Variants in ACADM observed in about 807,000 individuals in gnomAD.
ACADM encodes the protein acyl-CoA dehydrogenase medium chain.
In ACADM, 49 loss-of-function variants were observed where a neutral mutation model predicts 58.9. The ratio of observed to expected loss-of-function variants is 0.83; its 90% CI spans 0.66 to 1.06. The LOEUF is 1.06. ACADM is among the 50% of genes least tolerant of loss of function. The pLI, the probability that ACADM is intolerant of heterozygous loss-of-function variation, is 0.00. For synonymous variants in ACADM, 160 were observed against 157.7 expected, an observed-to-expected ratio of 1.01 and a Z score of -0.11; for missense variants, 496 against 507.0, an observed-to-expected ratio of 0.98 and a Z score of 0.21.
At chr1:75,751,995 C>CTA (rs199793590) in intron 10 of ACADM, among the ~76,000 whole-genome samples, 1 of 140,276 alleles carries the variant, frequency 7.1e-6, no homozygotes, top group African/African-American at 2.7e-5. Context: ...TCCTATTTCT[C>CTA]TTTTTTTTTT....
chr1:75,731,987 A>G (rs1187531909), intron 2 of ACADM, among the ~76,000 whole-genome samples: 1 of 152,182 alleles, frequency 6.6e-6, no homozygotes, highest in Non-Finnish European at 1.5e-5. Context: ...CCCTGTATCT[A>G]CAAAAATTAC....
Position 75,762,936 on chromosome 1 carries a change from A to G in ACADM, c.*173A>G. 2 of 511,980 alleles carry G rather than the reference A, an allele frequency of 3.9e-6. No individual in the cohort carries two copies. Among genetic ancestry groups the G allele is most frequent in the Non-Finnish European group, 7.0e-6 (2 of 283,824 alleles). The allele number at this position is 511,980 out of a possible 1,614,324, so 31.7% of individuals were successfully genotyped here. On this transcript the variant is annotated 3_prime_UTR_variant, in exon 12 of 12. Transcript: ENST00000370841. ...TTGCTTAACTCTGTTATGTCTCTTA[A>G]GCAGGTTTGGTTTTTATTAAAATGA...
chr1:75,738,500 A>G (rs7550974), intron 6 of ACADM, among the ~76,000 whole-genome samples: 45,601 of 151,938 alleles, frequency 0.3, 7,026 homozygotes, highest in Non-Finnish European at 0.33. Flanking sequence ...GGGATTACAA[A>G]CCTGAAGCCT....
At chr1:75,732,074 G>T (rs976747284) in intron 2 of ACADM, among the ~76,000 whole-genome samples, 2 of 151,918 alleles carry the variant, frequency 1.3e-5, no homozygotes, top group Non-Finnish European at 1.5e-5. Context: ...ATCATTTAAG[G>T]CCAGGAGGTC....
chr1:75,734,106 C>T (rs1647196417), intron 5 of ACADM, among the ~76,000 whole-genome samples: 1 of 151,982 alleles, frequency 6.6e-6, no homozygotes, highest in African/African-American at 2.4e-5. Flanking sequence ...CTGCCTCAGC[C>T]TCCTGAGTAG....
At chr1:75,761,401 A>T (rs751884884) in intron 11 of ACADM, 31 bp downstream of exon 11, 1 of 1,609,286 alleles carries the variant, frequency 6.2e-7, no homozygotes, top group Non-Finnish European at 8.5e-7. Context: ...TTTGGTTTGC[A>T]AGGAGAGAGA....
intron 6 of ACADM, among the ~76,000 whole-genome samples, chr1:75,738,896 C>T (rs567578041): frequency 1.3e-5 from 2 of 152,250 alleles, no homozygotes; most frequent in East Asian, 3.9e-4. Context: ...TCTTGTCACT[C>T]CTCTGTTTAA....
At chr1:75,756,188 C>T (rs993182890) in intron 10 of ACADM, among the ~76,000 whole-genome samples, 3 of 152,148 alleles carry the variant, frequency 2.0e-5, no homozygotes, top group Non-Finnish European at 2.9e-5. Flanking sequence ...CACTCCTCTT[C>T]AACATAGTGT....
chr1:75,759,656 C>CTTTTTTTTTTTTTTTTTTTT (rs34394777), intron 10 of ACADM, among the ~76,000 whole-genome samples: 1 of 87,582 alleles, frequency 1.1e-5, no homozygotes, highest in Non-Finnish European at 2.2e-5. Context: ...TAGCAACTTT[C>CTTTTTTTTTTTTTTTTTTTT]TTTTTTTTTT....
At chr1:75,759,252 A>C (rs923371948) in intron 10 of ACADM, among the ~76,000 whole-genome samples, 5 of 152,220 alleles carry the variant, frequency 3.3e-5, no homozygotes, top group African/African-American at 9.6e-5. Flanking sequence ...AGGCATGATT[A>C]ATTAAACCAT....
At chr1:75,739,313 G>A (rs1294201816) in intron 6 of ACADM, among the ~76,000 whole-genome samples, 22 of 152,136 alleles carry the variant, frequency 1.4e-4, no homozygotes, top group Admixed American at 1.4e-3. Context: ...AAATCTCTAG[G>A]ACTGAATGTC....
intron 7 of ACADM, chr1:75,744,650 G>T: frequency 1.1e-6 from 1 of 922,856 alleles, no homozygotes; most frequent in South Asian, 1.3e-5. Flanking sequence ...CTGCTGTTAG[G>T]GTAACCTGGT....
At chr1:75,729,702 C>G (rs1479740273) in intron 2 of ACADM, among the ~76,000 whole-genome samples, 3 of 150,578 alleles carry the variant, frequency 2.0e-5, no homozygotes, top group Admixed American at 1.3e-4. Flanking sequence ...CCACGTTGGC[C>G]AGGCTGGTCT....
At chr1:75,752,128 G>A (rs539343647) in intron 10 of ACADM, among the ~76,000 whole-genome samples, 8 of 151,798 alleles carry the variant, frequency 5.3e-5, no homozygotes, top group African/African-American at 1.9e-4. Flanking sequence ...AACTATAGGG[G>A]CACACTACCA....
intron 2 of ACADM, among the ~76,000 whole-genome samples, chr1:75,729,280 C>CTTTTTTTT (rs1647105487): frequency 1.4e-5 from 1 of 72,404 alleles, no homozygotes; most frequent in Non-Finnish European, 2.9e-5. Flanking sequence ...TTTTCTTTTT[C>CTTTTTTTT]TTTCTTTCTT....
chr1:75,749,609 T>G, intron 9 of ACADM, 50 bp downstream of exon 9: 1 of 1,500,172 alleles, frequency 6.7e-7, no homozygotes. Flanking sequence ...TTTATTACAT[T>G]AAATAAGTAT....
chr1:75,744,064 C>T (rs1647742383), intron 7 of ACADM: 2 of 1,587,446 alleles, frequency 1.3e-6, no homozygotes, highest in Non-Finnish European at 1.7e-6. Flanking sequence ...GGGCCTCCTT[C>T]AGACGCTGAG....
chr1:75,727,426 A>C (rs1647073871), intron 1 of ACADM, among the ~76,000 whole-genome samples: 1 of 152,186 alleles, frequency 6.6e-6, no homozygotes, highest in Admixed American at 6.5e-5. Flanking sequence ...GTTCAATTAA[A>C]ATCTTTTACA....
At chr1:75,750,886 C>A (rs1293248602) in intron 10 of ACADM, 15 of 373,176 alleles carry the variant, frequency 4.0e-5, no homozygotes, top group Non-Finnish European at 7.6e-5. Context: ...GTAGTGGGAA[C>A]TACAGGTGCG....
Sources: allele counts gnomAD v4.1 joint callset (sites outside exome capture counted in the v4.1 genomes callset), GRCh38; gene constraint gnomAD v4.1.1; transcripts MANE v1.5; gene names NCBI Gene and HGNC (gene_info 2026-07-23, HGNC 2026-07-21).